FHIT: variants seen among roughly 807,000 people sequenced by gnomAD.
The protein encoded by FHIT is bis(5'-adenosyl)-triphosphatase.
FHIT carries 19 observed loss-of-function variants against 17.9 expected under a neutral mutation model. The ratio of observed to expected loss-of-function variants is 1.06; its 90% confidence interval spans 0.74 to 1.56. The LOEUF is 1.56. FHIT is among the 40% of genes most tolerant of loss of function. The pLI, the probability that FHIT is intolerant of heterozygous loss-of-function variation, is 0.00. For synonymous variants in FHIT, 81 were observed against 69.7 expected, an observed-to-expected ratio of 1.16 and a Z score of -0.81; for missense variants, 248 against 189.2, an observed-to-expected ratio of 1.31 and a Z score of -1.82.
chr3:60,774,887 C>T (rs1679449162), intron 4 of FHIT, among the ~76,000 whole-genome samples: 1 of 152,138 alleles, frequency 6.6e-6, no homozygotes, highest in African/African-American at 2.4e-5. Flanking sequence ...AAATGGCATG[C>T]ATTTTAAAAC....
At chr3:60,097,671 T>A (rs1034114550) in intron 5 of FHIT, among the ~76,000 whole-genome samples, 2 of 152,162 alleles carry the variant, frequency 1.3e-5, no homozygotes, top group Non-Finnish European at 2.9e-5. Flanking sequence ...TTTCTTTTTT[T>A]AATCTTTTCT....
intron 5 of FHIT, among the ~76,000 whole-genome samples, chr3:60,355,370 ACTT>A (rs949911039): frequency 1.2e-4 from 18 of 152,194 alleles, no homozygotes; most frequent in African/African-American, 2.6e-4. Flanking sequence ...CAACTTAATG[ACTT>A]CTTCTTATCT....
intron 3 of FHIT, among the ~76,000 whole-genome samples, chr3:60,844,494 C>G (rs1356351232): frequency 1.3e-5 from 2 of 152,062 alleles, no homozygotes; most frequent in African/African-American, 4.8e-5. Context: ...TGTGATTCAA[C>G]ACATTTTCTA....
At chr3:60,136,367 A>T (rs576044771) in intron 5 of FHIT, among the ~76,000 whole-genome samples, 2 of 152,312 alleles carry the variant, frequency 1.3e-5, no homozygotes, top group East Asian at 1.9e-4. Flanking sequence ...AAAAATAAAC[A>T]GTTCTGTGGA....
chr3:61,148,917 G>T (rs1362383306), intron 2 of FHIT, among the ~76,000 whole-genome samples: 1 of 152,176 alleles, frequency 6.6e-6, no homozygotes, highest in East Asian at 1.9e-4. Context: ...AGAAGAGAAA[G>T]AAGTTATATG....
At chr3:60,365,499 TA>T (rs1700071516) in intron 5 of FHIT, among the ~76,000 whole-genome samples, 1 of 152,198 alleles carries the variant, frequency 6.6e-6, no homozygotes, top group Admixed American at 6.5e-5. Context: ...CATACTTACC[TA>T]AATAGCCTAA....
At chr3:59,912,362 A>C in intron 8 of FHIT, among the ~76,000 whole-genome samples, 1 of 152,236 alleles carries the variant, frequency 6.6e-6, no homozygotes, top group Non-Finnish European at 1.5e-5. Flanking sequence ...AAACAAGTGC[A>C]GTTGTTTATT....
chr3:59,837,571 C>T (rs1469871954), intron 8 of FHIT, among the ~76,000 whole-genome samples: 1 of 151,970 alleles, frequency 6.6e-6, no homozygotes, highest in Non-Finnish European at 1.5e-5. Flanking sequence ...ATAAAAATGT[C>T]CCATGGAATC....
chr3:60,306,294 A>T (rs1011559110), intron 5 of FHIT, among the ~76,000 whole-genome samples: 9 of 152,182 alleles, frequency 5.9e-5, no homozygotes, highest in African/African-American at 2.2e-4. Context: ...AAAATTAAAA[A>T]CATATCTCCC....
chr3:59,908,843 C>CTTTTTTTTTTTTT (rs1264578670), intron 8 of FHIT, among the ~76,000 whole-genome samples: 1 of 150,742 alleles, frequency 6.6e-6, no homozygotes, highest in Non-Finnish European at 1.5e-5. Context: ...AAGAACATTT[C>CTTTTTTTTTTTTT]ATTTTTTAAT....
intron 5 of FHIT, among the ~76,000 whole-genome samples, chr3:60,017,788 C>T (rs1271717718): frequency 6.6e-6 from 1 of 152,214 alleles, no homozygotes; most frequent in Non-Finnish European, 1.5e-5. Flanking sequence ...CTCTTGCTGA[C>T]ACACTGCCAA....
intron 8 of FHIT, among the ~76,000 whole-genome samples, chr3:59,871,390 C>T (rs915706703): frequency 1.3e-5 from 2 of 152,094 alleles, no homozygotes; most frequent in African/African-American, 4.8e-5. Flanking sequence ...TCAAAATGCT[C>T]TCTTATATGT....
chr3:60,204,384 C>G (rs1388481714), intron 5 of FHIT, among the ~76,000 whole-genome samples: 1 of 152,140 alleles, frequency 6.6e-6, no homozygotes, highest in African/African-American at 2.4e-5. Context: ...ATCCTCCCAC[C>G]TCAGCCTTCT....
At chr3:59,953,668 CAAGAGGCCAAACAG>C (rs1277937698) in intron 7 of FHIT, among the ~76,000 whole-genome samples, 1 of 152,156 alleles carries the variant, frequency 6.6e-6, no homozygotes, top group East Asian at 1.9e-4. Context: ...CACTCAGCAC[CAAGAGGCCAAACAG>C]AATCTAAAAC....
At chr3:60,200,665 T>A (rs1195619320) in intron 5 of FHIT, among the ~76,000 whole-genome samples, 1 of 99,450 alleles carries the variant, frequency 1.0e-5, no homozygotes, top group Admixed American at 1.2e-4. Flanking sequence ...TTTGTTGCTT[T>A]TGGGGGAAAA....
chr3:61,187,535 T>G (rs1375869302), intron 2 of FHIT, among the ~76,000 whole-genome samples: 2 of 152,184 alleles, frequency 1.3e-5, no homozygotes, highest in East Asian at 3.9e-4. Flanking sequence ...GACAGAAAGT[T>G]AACAAGGATA....
intron 3 of FHIT, among the ~76,000 whole-genome samples, chr3:61,035,814 C>A (rs1575880774): frequency 6.6e-6 from 1 of 152,100 alleles, no homozygotes; most frequent in Non-Finnish European, 1.5e-5. Flanking sequence ...AAGGTAGGCC[C>A]TGCTTTTACT....
At chr3:59,788,007 G>A (rs1042518683) in intron 8 of FHIT, among the ~76,000 whole-genome samples, 2 of 152,176 alleles carry the variant, frequency 1.3e-5, no homozygotes, top group African/African-American at 2.4e-5. Context: ...CCTCCTTTAA[G>A]AACAAAGTAG....
At chr3:60,172,357 C>A (rs1701459478) in intron 5 of FHIT, among the ~76,000 whole-genome samples, 1 of 152,144 alleles carries the variant, frequency 6.6e-6, no homozygotes, top group Non-Finnish European at 1.5e-5. Flanking sequence ...CCTCCATCTC[C>A]CAGGTTTGAG....
Sources: allele counts gnomAD v4.1 joint callset (sites outside exome capture counted in the v4.1 genomes callset), GRCh38; gene constraint gnomAD v4.1.1; transcripts MANE v1.5; gene names NCBI Gene and HGNC (gene_info 2026-07-23, HGNC 2026-07-21).